The following MGAT4C variants were observed in gnomAD, a reference collection of about 807,000 sequenced individuals.
MGAT4C encodes MGAT4 family member C, also known as alpha-1,3-mannosyl-glycoprotein 4-beta-N-acetylglucosaminyltransferase C.
Under a neutral mutation model 40.1 loss-of-function variants are expected in MGAT4C, and 19 were observed. That is an observed-to-expected ratio of 0.47 (90% CI 0.33 to 0.70). MGAT4C has a LOEUF of 0.70. Among genes scored for constraint, MGAT4C ranks in the 30% least tolerant of loss-of-function variants. The probability of loss-of-function intolerance (pLI) is 0.02; values close to 1 mark genes in which losing one functional copy is unlikely to be tolerated. For synonymous variants in MGAT4C, 181 were observed against 187.1 expected (o/e 0.97, Z 0.27); for missense variants, 491 against 563.2 (o/e 0.87, Z 1.30).
chr12:86,727,338 C>A (rs923913796), intron 1 of MGAT4C: 49 of 152,088 alleles, frequency 3.2e-4, no homozygotes, highest in African/African-American at 1.2e-3. Flanking sequence ...AGGTCACTGG[C>A]AGTCAGATGA....
chr12:86,460,318 T>C (rs1225973066), intron 2 of MGAT4C, among the ~76,000 whole-genome samples: 3 of 152,348 alleles, frequency 2.0e-5, no homozygotes, highest in Non-Finnish European at 2.9e-5. Flanking sequence ...CTCTGTGCTA[T>C]GTTAGGATTA....
intron 2 of MGAT4C, among the ~76,000 whole-genome samples, chr12:86,463,448 C>A (rs1957631580): frequency 6.6e-6 from 1 of 152,056 alleles, no homozygotes; most frequent in Admixed American, 6.6e-5. Flanking sequence ...ATTTCCCATT[C>A]CTCTAGGCTT....
chr12:86,083,742 G>T (rs903521053), intron 1 of MGAT4C, among the ~76,000 whole-genome samples: 4 of 151,950 alleles, frequency 2.6e-5, no homozygotes, highest in African/African-American at 7.2e-5. Context: ...CAGCTACATG[G>T]CTGTCTCATT....
chr12:86,425,921 A>C (rs1956916574), intron 3 of MGAT4C, among the ~76,000 whole-genome samples: 1 of 152,208 alleles, frequency 6.6e-6, no homozygotes, highest in Non-Finnish European at 1.5e-5. Flanking sequence ...TGTTTTAATA[A>C]AATTAATATG....
At chr12:86,264,344 T>C (rs1172882225) in intron 4 of MGAT4C, among the ~76,000 whole-genome samples, 5 of 152,204 alleles carry the variant, frequency 3.3e-5, no homozygotes, top group Admixed American at 6.5e-5. Flanking sequence ...TTTAATTTAT[T>C]TTTGTATATG....
At chr12:86,815,935 A>C (rs1364322022) in intron 1 of MGAT4C, among the ~76,000 whole-genome samples, 1 of 151,866 alleles carries the variant, frequency 6.6e-6, no homozygotes, top group African/African-American at 2.4e-5. Flanking sequence ...AAATATCACA[A>C]ATCACCACTA....
chr12:86,018,595 A>C (rs1224844326), intron 2 of MGAT4C, among the ~76,000 whole-genome samples: 1 of 152,192 alleles, frequency 6.6e-6, no homozygotes. Context: ...AGAAAAATGA[A>C]AAGTTTTTCC....
chr12:86,445,327 C>A (rs1338040953), intron 2 of MGAT4C, among the ~76,000 whole-genome samples: 2 of 152,022 alleles, frequency 1.3e-5, no homozygotes, highest in Non-Finnish European at 2.9e-5. Flanking sequence ...ATGACCAATA[C>A]CATGTAAGAG....
At chr12:86,083,374 A>G (rs536761017) in intron 1 of MGAT4C, among the ~76,000 whole-genome samples, 1 of 152,106 alleles carries the variant, frequency 6.6e-6, no homozygotes, top group African/African-American at 2.4e-5. Flanking sequence ...TCATGCCACT[A>G]TTTGGCTTAA....
intron 2 of MGAT4C, among the ~76,000 whole-genome samples, chr12:86,591,270 T>C (rs117425241): frequency 0.016 from 2,478 of 152,084 alleles, 29 homozygotes; most frequent in Middle Eastern, 0.027. Context: ...TCAGCATACA[T>C]CCAGTCCCTG....
Position 85,968,754 on chromosome 12 carries a change from T to C in MGAT4C, c.*10535A>G, listed in dbSNP as rs935995624. 1 of 151,862 alleles carries C rather than the reference T, an allele frequency of 6.6e-6. No individual in the cohort carries two copies. 9.4% of individuals were successfully genotyped at this position (151,862 alleles called of 1,614,324 possible). ...ATGCCTGGAAACTCCAGAACAATTA[T>C]GATAACTCTGAGCATGGAGCTCAGG... On this transcript the variant is annotated 3_prime_UTR_variant, in exon 5 of 5. Transcript: ENST00000611864.
At chr12:86,300,593 T>C (rs1953785437) in intron 4 of MGAT4C, among the ~76,000 whole-genome samples, 1 of 152,118 alleles carries the variant, frequency 6.6e-6, no homozygotes, top group Non-Finnish European at 1.5e-5. Flanking sequence ...CAAGAAGTGA[T>C]AGCACTACTA....
chr12:86,168,580 T>C lies in MGAT4C; in HGVS notation c.-57+87659A>G, dbSNP rs1886441708. On this transcript the variant is annotated intron_variant, in intron 1 of 4. Coordinates refer to ENST00000611864, the MANE Select transcript of MGAT4C (RefSeq NM_001351288.2). ...GAGACTGAAAGAAATTAAAATAGGA[T>C]AACTGACTGCAATGCATAATTCTGA... Among the ~76,000 whole-genome samples, 3 of 152,138 alleles carry C rather than the reference T, an allele frequency of 2.0e-5. No individual in the cohort carries two copies. The South Asian group carries it at 6.2e-4, about 31-fold the overall frequency.
At chr12:86,169,146 C>T (rs1886517894) in intron 1 of MGAT4C, among the ~76,000 whole-genome samples, 1 of 152,114 alleles carries the variant, frequency 6.6e-6, no homozygotes, top group African/African-American at 2.4e-5. Flanking sequence ...AGAGAGAATG[C>T]ATCACTTTCT....
chr12:86,426,943 T>C (rs796110341), intron 3 of MGAT4C, among the ~76,000 whole-genome samples: 52 of 151,736 alleles, frequency 3.4e-4, no homozygotes, highest in African/African-American at 1.2e-3. Flanking sequence ...CGAGAATCCA[T>C]CTCAAAAAAA....
intron 2 of MGAT4C, among the ~76,000 whole-genome samples, chr12:86,666,730 T>G (rs1964116802): frequency 6.6e-6 from 1 of 152,308 alleles, no homozygotes; most frequent in East Asian, 1.9e-4. Flanking sequence ...GTTTTTTTCC[T>G]GAGGTATTAT....
intron 2 of MGAT4C, among the ~76,000 whole-genome samples, chr12:86,522,254 C>T (rs367725639): frequency 6.6e-6 from 1 of 152,016 alleles, no homozygotes; most frequent in African/African-American, 2.4e-5. Context: ...ATATATGGCT[C>T]TTATTATTTT....
intron 2 of MGAT4C, among the ~76,000 whole-genome samples, chr12:86,575,713 A>G (rs996696826): frequency 6.6e-6 from 1 of 151,860 alleles, no homozygotes; most frequent in Non-Finnish European, 1.5e-5. Flanking sequence ...CTTTATTTTG[A>G]GTATATACCC....
chr12:86,015,226 G>T (rs943249718), intron 2 of MGAT4C, among the ~76,000 whole-genome samples: 2 of 150,278 alleles, frequency 1.3e-5, no homozygotes, highest in African/African-American at 2.5e-5. Flanking sequence ...AAGTAATTGC[G>T]GTTTTTCCGC....
Sources: gnomAD v4.1 joint callset for allele counts (sites outside exome capture counted in the v4.1 genomes callset) on GRCh38, gnomAD v4.1.1 for gene constraint, MANE v1.5 for transcripts, NCBI Gene and HGNC (gene_info 2026-07-23, HGNC 2026-07-21) for gene names.